Variants in AFAP1 observed in about 807,000 individuals in gnomAD.
The protein encoded by AFAP1 is actin filament associated protein 1, also known as actin filament-associated protein 1.
In AFAP1, 75 loss-of-function variants were observed where a neutral mutation model predicts 93.9. The ratio of observed to expected loss-of-function variants is 0.80; its 90% CI spans 0.66 to 0.97. AFAP1 has a LOEUF of 0.97. AFAP1 is among the 50% of genes least tolerant of loss of function. The pLI is 0.00. For synonymous variants in AFAP1, 517 were observed against 430.7 expected, an observed-to-expected ratio of 1.20 and a Z score of -2.48; for missense variants, 1,201 against 1,050.8, an observed-to-expected ratio of 1.14 and a Z score of -1.98.
intron 9 of AFAP1, among the ~76,000 whole-genome samples, chr4:7,802,639 CTT>C (rs60126839): frequency 0.18 from 23,205 of 127,676 alleles, 1,852 homozygotes; most frequent in African/African-American, 0.29. Context: ...TACATTTATT[CTT>C]TTTTTTTTTT....
intron 6 of AFAP1, among the ~76,000 whole-genome samples, chr4:7,822,581 TTTTTC>T (rs1417304095): frequency 4.8e-4 from 46 of 96,724 alleles, no homozygotes; most frequent in African/African-American, 1.6e-3. Context: ...TTCTTTTTCT[TTTTTC>T]TTTTTTTTTT....
intron 8 of AFAP1, among the ~76,000 whole-genome samples, chr4:7,811,086 C>T (rs1387122624): frequency 6.6e-6 from 1 of 152,216 alleles, no homozygotes; most frequent in Non-Finnish European, 1.5e-5. Flanking sequence ...TCCTGAGGGC[C>T]GTTATGTGCC....
chr4:7,808,333 A>C (rs1248581075), intron 9 of AFAP1, among the ~76,000 whole-genome samples: 1 of 152,136 alleles, frequency 6.6e-6, no homozygotes, highest in Non-Finnish European at 1.5e-5. Flanking sequence ...CCCCCGGCCC[A>C]CTGAGGTTCC....
intron 1 of AFAP1, among the ~76,000 whole-genome samples, chr4:7,937,981 C>T (rs1369056353): frequency 6.6e-6 from 1 of 152,172 alleles, no homozygotes; most frequent in Non-Finnish European, 1.5e-5. Context: ...CCACCTCTAT[C>T]AGAGCATTTT....
intron 1 of AFAP1, among the ~76,000 whole-genome samples, chr4:7,898,278 G>A (rs961235326): frequency 6.6e-6 from 1 of 152,064 alleles, no homozygotes; most frequent in Non-Finnish European, 1.5e-5. Context: ...CATGGTGGTA[G>A]GCACCTGTAA....
chr4:7,906,957 G>A (rs1340915960), intron 1 of AFAP1, among the ~76,000 whole-genome samples: 2 of 149,294 alleles, frequency 1.3e-5, no homozygotes, highest in East Asian at 2.0e-4. Context: ...AGCTGAGGTC[G>A]CGCCACTGCA....
rs1182860629 is a variant in AFAP1 at position 7,781,670 on chromosome 4, A to T, written c.1531-43T>A. 13 of 1,545,140 alleles carry T rather than the reference A, an allele frequency of 8.4e-6. No homozygotes were observed. In the South Asian group the frequency reaches 1.1e-4, roughly 13 times the overall value. On this transcript the variant is annotated intron_variant, in intron 12 of 17. Coordinates refer to ENST00000420658, the MANE Select transcript of AFAP1 (RefSeq NM_001134647.2). ...TTGTGGTTAGTGACTTGGACACAGG[A>T]AACAGCAGCTTTTAGCACAGTGAGA...
intron 16 of AFAP1, among the ~76,000 whole-genome samples, chr4:7,770,181 A>C (rs1715222442): frequency 6.6e-6 from 1 of 152,222 alleles, no homozygotes; most frequent in South Asian, 2.1e-4. Context: ...AAGCAGAGGC[A>C]GCAAGCCAGG....
At chr4:7,856,798 C>T (rs371700312) in intron 3 of AFAP1, among the ~76,000 whole-genome samples, 1 of 152,198 alleles carries the variant, frequency 6.6e-6, no homozygotes, top group African/African-American at 2.4e-5. Flanking sequence ...AAAGAGGTGG[C>T]TGAGTGGCAG....
chr4:7,847,854 T>G (rs758232393), intron 4 of AFAP1, among the ~76,000 whole-genome samples: 11 of 151,266 alleles, frequency 7.3e-5, no homozygotes, highest in African/African-American at 2.7e-4. Context: ...ACACTTTGTG[T>G]AGAGTAAGGC....
intron 3 of AFAP1, among the ~76,000 whole-genome samples, chr4:7,865,375 C>T (rs1158071286): frequency 1.3e-5 from 2 of 152,216 alleles, no homozygotes; most frequent in East Asian, 1.9e-4. Flanking sequence ...AATTCCAACA[C>T]TTAAATCATT....
intron 6 of AFAP1, among the ~76,000 whole-genome samples, chr4:7,828,177 C>T (rs1020193656): frequency 1.3e-5 from 2 of 152,160 alleles, no homozygotes; most frequent in South Asian, 2.1e-4. Flanking sequence ...CTGCACAGCA[C>T]ATTAAAGCCA....
At chr4:7,862,775 A>G (rs1319834521) in intron 3 of AFAP1, among the ~76,000 whole-genome samples, 1 of 152,080 alleles carries the variant, frequency 6.6e-6, no homozygotes, top group Non-Finnish European at 1.5e-5. Flanking sequence ...TGTCCAGAAA[A>G]TGCCTTGATC....
rs188876604 is a variant in AFAP1, at chr4:7,773,027, C to T, written c.2063-17G>A. 21 of 1,603,162 alleles carry T rather than the reference C, an allele frequency of 1.3e-5. No homozygotes were observed. The highest frequency in any genetic ancestry group is 1.2e-4 in the Admixed American group (7 of 59,800). On this transcript the variant is annotated splice_polypyrimidine_tract_variant and intron_variant, in intron 15 of 17. Transcript: ENST00000420658. ...GCTTCCTGCCTGGAATTCCCAGAAACGCCGTTACTCCCGCGGCAGGCACAG... is the reference window on the plus strand; with the variant it reads ...GCTTCCTGCCTGGAATTCCCAGAAATGCCGTTACTCCCGCGGCAGGCACAG...
intron 1 of AFAP1, among the ~76,000 whole-genome samples, chr4:7,875,359 C>T (rs909482460): frequency 2.0e-5 from 3 of 152,262 alleles, no homozygotes; most frequent in South Asian, 2.1e-4. Flanking sequence ...TCCAGCTGGG[C>T]GATTTTCCCT....
intron 1 of AFAP1, among the ~76,000 whole-genome samples, chr4:7,912,916 T>C (rs951071331): frequency 6.6e-6 from 1 of 152,146 alleles, no homozygotes; most frequent in African/African-American, 2.4e-5. Context: ...GACAAGATCA[T>C]AGCTCACTGC....
At chr4:7,861,797 C>A (rs1715735616) in intron 3 of AFAP1, among the ~76,000 whole-genome samples, 1 of 152,254 alleles carries the variant, frequency 6.6e-6, no homozygotes, top group Non-Finnish European at 1.5e-5. Context: ...AAAAGGCAAA[C>A]AAGATGGCTC....
intron 17 of AFAP1, 99 bp from the exon 18 acceptor site, chr4:7,763,890 C>A: frequency 8.2e-7 from 1 of 1,213,680 alleles, no homozygotes; most frequent in South Asian, 1.3e-5. Flanking sequence ...GGTGGGTGCT[C>A]GGCTACTGCA....
intron 1 of AFAP1, among the ~76,000 whole-genome samples, chr4:7,906,905 G>A (rs1402406320): frequency 6.6e-6 from 1 of 151,850 alleles, no homozygotes; most frequent in Non-Finnish European, 1.5e-5. Context: ...GGGAGGCTGA[G>A]GAGGAAGAAC....
Sources: gnomAD v4.1 joint callset for allele counts (sites outside exome capture counted in the v4.1 genomes callset) on GRCh38, gnomAD v4.1.1 for gene constraint, MANE v1.5 for transcripts, NCBI Gene and HGNC (gene_info 2026-07-23, HGNC 2026-07-21) for gene names.